SIM1: variants seen among roughly 807,000 people sequenced by gnomAD.
SIM1 encodes the protein SIM bHLH transcription factor 1.
In SIM1, 18 loss-of-function variants were observed where a neutral mutation model predicts 78.2. The ratio of observed to expected loss-of-function variants is 0.23; its 90% confidence interval spans 0.16 to 0.34. SIM1 has a LOEUF of 0.34. Among genes scored for constraint, SIM1 ranks in the 10% least tolerant of loss-of-function variants. SIM1 has a pLI of 1.00. For missense variants in SIM1, 939 were observed against 975.1 expected (o/e 0.96, Z 0.49); for synonymous variants, 417 against 385.2 (o/e 1.08, Z -0.97).
rs1770499281 is a variant in SIM1 at position 100,385,652 on chromosome 6, C to A, written c.*4709G>T. On this transcript the variant is annotated 3_prime_UTR_variant, in exon 12 of 12. Coordinates refer to ENST00000369208, the MANE Select transcript of SIM1 (RefSeq NM_005068.3). ...TAGCAATTAGGATTTCTTATGTGAA[C>A]CATCATTTATTTATTTATGTGTGTG... is the stretch of plus-strand genomic sequence containing the variant. The A allele has an allele frequency of 7.4e-6, 1 of 135,844 alleles. No individual in the cohort carries two copies. Among genetic ancestry groups the A allele is most frequent in the Non-Finnish European group, 1.6e-5 (1 of 63,890 alleles). 8.4% of individuals were successfully genotyped at this position (135,844 alleles called of 1,614,324 possible).
intron 9 of SIM1, among the ~76,000 whole-genome samples, chr6:100,442,152 C>T (rs185641784): frequency 8.8e-4 from 134 of 152,174 alleles, no homozygotes; most frequent in African/African-American, 2.9e-3. Context: ...GAAACAGATA[C>T]GAATTCAGCA....
intron 4 of SIM1, among the ~76,000 whole-genome samples, chr6:100,449,942 G>A (rs576980625): frequency 2.0e-5 from 3 of 152,252 alleles, no homozygotes; most frequent in Admixed American, 6.5e-5. Context: ...AGTAGTAATA[G>A]TAGTAGTAGC....
chr6:100,427,730 C>T (rs1771770966), intron 9 of SIM1, among the ~76,000 whole-genome samples: 1 of 152,172 alleles, frequency 6.6e-6, no homozygotes, highest in Non-Finnish European at 1.5e-5. Context: ...TTTGTTTCCT[C>T]ACCCCTCCAG....
intron 9 of SIM1, among the ~76,000 whole-genome samples, chr6:100,441,494 A>G (rs1402093383): frequency 1.3e-5 from 2 of 152,210 alleles, no homozygotes; most frequent in Non-Finnish European, 2.9e-5. Context: ...TTTGCATCAC[A>G]TCTGACTTGG....
intron 9 of SIM1, among the ~76,000 whole-genome samples, chr6:100,439,312 A>G (rs1772145433): frequency 6.6e-6 from 1 of 152,174 alleles, no homozygotes. Flanking sequence ...GACCCATCTC[A>G]AAACACTCTA....
At position 100,399,334 on chromosome 6, in the gene SIM1, A is replaced by C. The variant is rs79062098; in HGVS notation, c.1168-5445T>G. Among the ~76,000 whole-genome samples the C allele has an allele frequency of 2.7e-3, 416 of 152,230 alleles. 6 individuals are homozygous for C. The highest frequency in any genetic ancestry group is 9.5e-3 in the African/African-American group (394 of 41,580). ...ATCTCCAGTGAATTATGCTGAGTGA[A>C]AAAAGTCAATCCAAAAGGCTATATG... On this transcript the variant is annotated intron_variant, in intron 10 of 11. Transcript: ENST00000369208.
chr6:100,414,144 C>A (rs1479763907), intron 10 of SIM1, among the ~76,000 whole-genome samples: 1 of 152,140 alleles, frequency 6.6e-6, no homozygotes, highest in Non-Finnish European at 1.5e-5. Context: ...ATGGAGAAAC[C>A]CTGTTTGTAA....
At chr6:100,409,207 A>T (rs1199977713) in intron 10 of SIM1, among the ~76,000 whole-genome samples, 1 of 152,082 alleles carries the variant, frequency 6.6e-6, no homozygotes, top group African/African-American at 2.4e-5. Flanking sequence ...GCACCCATTA[A>T]CTTGTCATTT....
At chr6:100,402,876 G>A (rs1017984469) in intron 10 of SIM1, among the ~76,000 whole-genome samples, 4 of 151,998 alleles carry the variant, frequency 2.6e-5, no homozygotes, top group African/African-American at 7.2e-5. Context: ...GCGCCCGGCC[G>A]GTATTGACTG....
intron 11 of SIM1, among the ~76,000 whole-genome samples, chr6:100,392,165 ACT>A (rs1770658816): frequency 6.6e-6 from 1 of 152,116 alleles, no homozygotes. Context: ...CAAGAGCGAA[ACT>A]CTGTCTCAAA....
intron 9 of SIM1, among the ~76,000 whole-genome samples, chr6:100,432,650 C>G (rs1321031954): frequency 9.9e-5 from 15 of 152,132 alleles, no homozygotes; most frequent in Non-Finnish European, 2.2e-4. Context: ...CTGCAGACCC[C>G]AAAACATTGC....
chr6:100,395,475 G>A (rs776961412), intron 10 of SIM1, among the ~76,000 whole-genome samples: 15 of 151,846 alleles, frequency 9.9e-5, no homozygotes, highest in Admixed American at 2.0e-4. Context: ...CAGTGCTAAC[G>A]AAAAAAGGAG....
intron 9 of SIM1, among the ~76,000 whole-genome samples, chr6:100,434,577 C>A (rs1371760939): frequency 6.6e-6 from 1 of 152,190 alleles, no homozygotes; most frequent in African/African-American, 2.4e-5. Flanking sequence ...TGAAGAGCAG[C>A]CGCAAACCTG....
intron 3 of SIM1, among the ~76,000 whole-genome samples, chr6:100,452,484 G>T: frequency 6.6e-6 from 1 of 152,184 alleles, no homozygotes; most frequent in East Asian, 1.9e-4. Flanking sequence ...ATGTGGTGAA[G>T]CCAGTGAAGA....
intron 10 of SIM1, among the ~76,000 whole-genome samples, chr6:100,413,318 CT>C (rs1771310338): frequency 6.6e-6 from 1 of 152,156 alleles, no homozygotes; most frequent in African/African-American, 2.4e-5. Flanking sequence ...TCAATATCTG[CT>C]AAGGACCTCT....
intron 10 of SIM1, among the ~76,000 whole-genome samples, chr6:100,399,616 C>T (rs1321050518): frequency 2.0e-5 from 3 of 152,152 alleles, no homozygotes; most frequent in Non-Finnish European, 4.4e-5. Context: ...TGGGCACTTT[C>T]TGTGATACCT....
chr6:100,439,536 T>C (rs1031296574), intron 9 of SIM1, among the ~76,000 whole-genome samples: 7 of 152,146 alleles, frequency 4.6e-5, no homozygotes, highest in African/African-American at 9.6e-5. Flanking sequence ...TCCTACTTCA[T>C]GTAATCATGC....
intron 3 of SIM1, among the ~76,000 whole-genome samples, chr6:100,451,716 A>G (rs1411003792): frequency 2.0e-5 from 3 of 152,202 alleles, no homozygotes; most frequent in African/African-American, 7.2e-5. Flanking sequence ...CACTGGTAGC[A>G]GAGAGAGGTT....
rs9376969 is a variant in SIM1, at chr6:100,413,689, C to T, written c.1167+7101G>A. On this transcript the variant is annotated intron_variant, in intron 10 of 11. Transcript: ENST00000369208. ...AATAAAATATTATACCTAAGATACC[C>T]ACTTAAGTAAACAAACAAAAAGGTA... Among the ~76,000 whole-genome samples, 4 of 152,150 alleles carry T rather than the reference C, an allele frequency of 2.6e-5. No individual in the cohort carries two copies. The East Asian group carries it at 5.8e-4, about 22-fold the overall frequency.
Sources: gnomAD v4.1 joint callset for allele counts (sites outside exome capture counted in the v4.1 genomes callset) on GRCh38, gnomAD v4.1.1 for gene constraint, MANE v1.5 for transcripts, NCBI Gene and HGNC (gene_info 2026-07-23, HGNC 2026-07-21) for gene names.